The following CSMD1 variants were observed in gnomAD, a reference collection of about 807,000 sequenced individuals.
CSMD1 encodes CUB and Sushi multiple domains 1.
CSMD1 carries 213 observed loss-of-function variants against 417.5 expected under a neutral mutation model. That is an observed-to-expected ratio of 0.51 (90% CI 0.46 to 0.57). The LOEUF is 0.57. Ranked by LOEUF, CSMD1 falls within the 20% of genes least tolerant of loss-of-function variation. The pLI is 0.00. For missense variants in CSMD1, 6,923 were observed against 4,529.7 expected, an observed-to-expected ratio of 1.53 and a Z score of -15.17; for synonymous variants, 2,862 against 1,736.8, an observed-to-expected ratio of 1.65 and a Z score of -16.11.
intron 5 of CSMD1, among the ~76,000 whole-genome samples, chr8:3,836,746 A>C (rs973141666): frequency 6.6e-6 from 1 of 152,138 alleles, no homozygotes; most frequent in Non-Finnish European, 1.5e-5. Flanking sequence ...AATGAAATTC[A>C]GGGCAAAAAA....
intron 3 of CSMD1, among the ~76,000 whole-genome samples, chr8:4,366,443 C>G (rs545409682): frequency 1.1e-3 from 161 of 152,250 alleles, no homozygotes; most frequent in African/African-American, 3.8e-3. Context: ...TGGGTAATCC[C>G]AAAGGTGGGA....
chr8:4,342,890 G>A (rs901167238), intron 3 of CSMD1, among the ~76,000 whole-genome samples: 1 of 152,054 alleles, frequency 6.6e-6, no homozygotes, highest in African/African-American at 2.4e-5. Context: ...ATCAGGAGAA[G>A]CAAAGGACTT....
At chr8:4,279,207 AACAC>A (rs111435983) in intron 3 of CSMD1, among the ~76,000 whole-genome samples, 2 of 151,952 alleles carry the variant, frequency 1.3e-5, no homozygotes, top group Non-Finnish European at 2.9e-5. Context: ...TATACACACT[AACAC>A]ACACACACAA....
intron 12 of CSMD1, among the ~76,000 whole-genome samples, chr8:3,454,981 TC>T (rs1193556686): frequency 1.3e-5 from 2 of 152,230 alleles, no homozygotes; most frequent in Non-Finnish European, 2.9e-5. Flanking sequence ...TTTCACATAG[TC>T]CCATATTTCT....
intron 54 of CSMD1, among the ~76,000 whole-genome samples, chr8:2,984,585 G>A (rs985054599): frequency 1.3e-5 from 2 of 152,170 alleles, no homozygotes; most frequent in South Asian, 2.1e-4. Context: ...CTGACCTCGT[G>A]ATCCACCCAC....
At chr8:4,788,597 C>G (rs1242955876) in intron 1 of CSMD1, 3 of 1,138,230 alleles carry the variant, frequency 2.6e-6, no homozygotes, top group Middle Eastern at 2.7e-4. Flanking sequence ...AGAAACAATG[C>G]CATTGAAATT....
chr8:4,201,505 TCCGGCCTA>T (rs1051302112), intron 3 of CSMD1, among the ~76,000 whole-genome samples: 1 of 112,370 alleles, frequency 8.9e-6, no homozygotes, highest in African/African-American at 3.5e-5. Flanking sequence ...GCCACTGCCG[TCCGGCCTA>T]GGTAAGAGAT....
intron 3 of CSMD1, among the ~76,000 whole-genome samples, chr8:4,199,804 G>A (rs567737027): frequency 6.6e-6 from 1 of 152,074 alleles, no homozygotes; most frequent in African/African-American, 2.4e-5. Flanking sequence ...AAAATCGGAT[G>A]ACTTTTGTAG....
chr8:3,947,481 T>A (rs1317833017), intron 5 of CSMD1, among the ~76,000 whole-genome samples: 1 of 152,236 alleles, frequency 6.6e-6, no homozygotes, highest in Non-Finnish European at 1.5e-5. Context: ...TTTAATTTTT[T>A]AATTTTTAGG....
intron 66 of CSMD1, 21 bp downstream of exon 66, chr8:2,951,093 A>G: frequency 6.2e-7 from 1 of 1,605,904 alleles, no homozygotes; most frequent in Non-Finnish European, 8.5e-7. Context: ...CCATGCGTTT[A>G]GTGAATTCTT....
chr8:4,253,965 G>A (rs965876479), intron 3 of CSMD1, among the ~76,000 whole-genome samples: 1 of 137,350 alleles, frequency 7.3e-6, no homozygotes, highest in Non-Finnish European at 1.5e-5. Context: ...TGCCCAGGCT[G>A]GAGTGCAGTG....
At chr8:4,249,166 A>T (rs1220583381) in intron 3 of CSMD1, among the ~76,000 whole-genome samples, 4 of 152,208 alleles carry the variant, frequency 2.6e-5, no homozygotes, top group South Asian at 2.1e-4. Flanking sequence ...ATATTAAGAG[A>T]ATGATAGACT....
chr8:4,308,212 G>A (rs949218489), intron 3 of CSMD1, among the ~76,000 whole-genome samples: 7 of 152,154 alleles, frequency 4.6e-5, no homozygotes, highest in African/African-American at 1.4e-4. Context: ...TTGAGACTGT[G>A]TGGGATGTGT....
chr8:3,600,223 T>A (rs1444076754), intron 8 of CSMD1, among the ~76,000 whole-genome samples: 1 of 152,216 alleles, frequency 6.6e-6, no homozygotes, highest in Non-Finnish European at 1.5e-5. Flanking sequence ...TCTTTCTCCT[T>A]TTCTCCTTCT....
chr8:4,383,627 G>A (rs770193366), intron 3 of CSMD1, among the ~76,000 whole-genome samples: 2 of 152,082 alleles, frequency 1.3e-5, no homozygotes, highest in African/African-American at 4.8e-5. Context: ...ATTAAACTGA[G>A]AATCAACTAT....
chr8:3,135,040 C>T (rs1817999710), intron 41 of CSMD1, among the ~76,000 whole-genome samples: 1 of 152,156 alleles, frequency 6.6e-6, no homozygotes, highest in South Asian at 2.1e-4. Context: ...CCTCCCACCT[C>T]AGCCTCCCAA....
intron 2 of CSMD1, among the ~76,000 whole-genome samples, chr8:4,615,326 G>C (rs1239690633): frequency 6.6e-6 from 1 of 152,116 alleles, no homozygotes; most frequent in Non-Finnish European, 1.5e-5. Flanking sequence ...CCCAAACCCA[G>C]AAAACTCTCA....
chr8:3,607,792 GAA>G (rs1167895547), intron 8 of CSMD1, among the ~76,000 whole-genome samples: 1 of 152,170 alleles, frequency 6.6e-6, no homozygotes, highest in African/African-American at 2.4e-5. Flanking sequence ...CTCCTTTGTG[GAA>G]AGACTCAAAT....
chr8:3,872,670 C>G (rs1044903660), intron 5 of CSMD1, among the ~76,000 whole-genome samples: 1 of 152,070 alleles, frequency 6.6e-6, no homozygotes, highest in African/African-American at 2.4e-5. Context: ...TTCCTGAGCC[C>G]TTCATTCATG....
Sources: gnomAD v4.1 joint callset for allele counts (sites outside exome capture counted in the v4.1 genomes callset) on GRCh38, gnomAD v4.1.1 for gene constraint, MANE v1.5 for transcripts, NCBI Gene and HGNC (gene_info 2026-07-23, HGNC 2026-07-21) for gene names.